The following COL28A1 variants were observed in gnomAD, a reference collection of about 807,000 sequenced individuals.
COL28A1 encodes the protein collagen type XXVIII alpha 1 chain.
In COL28A1, 161 loss-of-function variants were observed where a neutral mutation model predicts 150.2. That is an observed-to-expected ratio of 1.07 (90% confidence interval 0.94 to 1.22). The LOEUF (loss-of-function observed/expected upper bound fraction) is 1.22. Ranked by LOEUF, COL28A1 falls within the 50% of genes most tolerant of loss-of-function variation. The pLI is 0.00. For missense variants in COL28A1, 1,617 were observed against 1,388.3 expected (o/e 1.16, Z -2.62); for synonymous variants, 552 against 469.7 (o/e 1.18, Z -2.26).
chr7:7,498,671 T>A (rs1218290252), intron 11 of COL28A1, among the ~76,000 whole-genome samples: 3 of 152,212 alleles, frequency 2.0e-5, no homozygotes, highest in African/African-American at 7.2e-5. Context: ...ATACAATTAA[T>A]TTTCTCTGTT....
chr7:7,342,692 T>C, the COL28A1 span, among the ~76,000 whole-genome samples: 3 of 152,082 alleles, frequency 2.0e-5, no homozygotes, highest in South Asian at 2.1e-4. Context: ...ACCAGAACAT[T>C]AGAATATCTT....
At chr7:7,441,662 C>G (rs534600238) in intron 20 of COL28A1, among the ~76,000 whole-genome samples, 154 of 152,278 alleles carry the variant, frequency 1.0e-3, no homozygotes, top group African/African-American at 3.5e-3. Context: ...TTGCTGGGCC[C>G]TCCACCCAGA....
At chr7:7,523,766 G>A (rs1158661650) in intron 4 of COL28A1, among the ~76,000 whole-genome samples, 2 of 152,110 alleles carry the variant, frequency 1.3e-5, no homozygotes, top group African/African-American at 4.8e-5. Context: ...TCATCAGGCT[G>A]CCTTTTCTTC....
intron 13 of COL28A1, among the ~76,000 whole-genome samples, chr7:7,483,076 C>T (rs747986420): frequency 3.3e-5 from 5 of 152,110 alleles, no homozygotes; most frequent in South Asian, 2.1e-4. Flanking sequence ...TGGGATGGTT[C>T]GACTTAAGAT....
intron 27 of COL28A1, among the ~76,000 whole-genome samples, chr7:7,417,217 G>A (rs11978610): frequency 0.021 from 3,154 of 151,914 alleles, 108 homozygotes; most frequent in African/African-American, 0.071. Context: ...CAAGCTTGTT[G>A]CTGCTGACGC....
At chr7:7,360,642 TCTGATA>T (rs1475046204) in intron 33 of COL28A1, 114 bp from the exon 34 acceptor site, 7 of 865,748 alleles carry the variant, frequency 8.1e-6, no homozygotes, top group African/African-American at 3.5e-5. Flanking sequence ...TCCCTAGCTC[TCTGATA>T]CTAACTATTT....
At chr7:7,350,519 T>G in the COL28A1 span, among the ~76,000 whole-genome samples, 17 of 152,072 alleles carry the variant, frequency 1.1e-4, no homozygotes, top group Admixed American at 2.6e-4. Context: ...ACATAATACC[T>G]CAGAGGCAAA....
intron 27 of COL28A1, among the ~76,000 whole-genome samples, chr7:7,403,050 G>A (rs530433739): frequency 1.3e-5 from 2 of 152,280 alleles, no homozygotes; most frequent in South Asian, 4.1e-4. Flanking sequence ...CTCATGGTGT[G>A]AGAAGTGCTA....
chr7:7,435,770 C>T (rs993339793), intron 23 of COL28A1, among the ~76,000 whole-genome samples: 2 of 152,120 alleles, frequency 1.3e-5, no homozygotes, highest in Non-Finnish European at 2.9e-5. Flanking sequence ...TTCAAAGCTA[C>T]GTAACAACAT....
At position 7,440,879 on chromosome 7, in the gene COL28A1, A is replaced by C; in HGVS notation, c.1651-18T>G. ...TCGTCACCCTAACAAAATAATTATGAAAATATAGATTTTCGTATGGTATTA... is the reference window on the plus strand; with the variant it reads ...TCGTCACCCTAACAAAATAATTATGCAAATATAGATTTTCGTATGGTATTA... On this transcript the variant is annotated intron_variant, in intron 20 of 34. Coordinates refer to ENST00000399429, the MANE Select transcript of COL28A1 (RefSeq NM_001037763.3). 1 of 1,327,614 alleles carries C rather than the reference A, an allele frequency of 7.5e-7. No homozygotes were observed. Among genetic ancestry groups the C allele is most frequent in the Non-Finnish European group, 1.1e-6 (1 of 919,638 alleles). 82.2% of individuals were successfully genotyped at this position (1,327,614 alleles called of 1,614,324 possible).
rs149386074 is a variant in COL28A1, at chr7:7,451,338, G to A, written c.1509+981C>T. On this transcript the variant is annotated intron_variant, in intron 18 of 34. Coordinates refer to ENST00000399429, the MANE Select transcript of COL28A1 (RefSeq NM_001037763.3). ...CCTCCTGAGTTCAAGTGGTTCTCCC[G>A]CCTCAGCCACCCTAGTAGCTGGGAC... is the stretch of plus-strand genomic sequence containing the variant. Among the ~76,000 whole-genome samples, 759 of 151,802 alleles carry A rather than the reference G, an allele frequency of 5.0e-3. 4 individuals are homozygous for A. Among genetic ancestry groups the A allele is most frequent in the Middle Eastern group, 0.02 (6 of 294 alleles).
intron 20 of COL28A1, 138 bp from the exon 21 acceptor site, chr7:7,440,999 G>T (rs780717520): frequency 4.2e-6 from 2 of 477,860 alleles, no homozygotes; most frequent in Admixed American, 7.0e-5. Context: ...GCTCAATTGC[G>T]CAGGATTCGT....
chr7:7,417,542 G>C (rs1258560197), intron 27 of COL28A1: 6 of 96,560 alleles, frequency 6.2e-5, no homozygotes, highest in Middle Eastern at 2.7e-3. Flanking sequence ...GGGAGGGAGG[G>C]GGGGGGGAGA....
At position 7,373,545 on chromosome 7, in the gene COL28A1, A is replaced by AATG. The variant is rs1419614698; in HGVS notation, c.2360_2361insCAT (p.Gly787_Cys788insIle). On this transcript the variant is annotated inframe_insertion and splice_region_variant, in exon 32 of 35. Transcript: ENST00000399429. The surrounding 1 kb of genome is among the most constrained non-coding windows in gnomAD (Gnocchi z 4.1). ...GAGTCTCTTTGCATTTGGGCCCACA[A>AATG]CCTAAAAGATGAATGTTGAGAGAGA... The AATG allele has an allele frequency of 5.0e-6, 8 of 1,605,042 alleles. No homozygotes were observed. The highest frequency in any genetic ancestry group is 6.8e-6 in the Non-Finnish European group (8 of 1,175,208).
chr7:7,346,206 C>T, the COL28A1 span, among the ~76,000 whole-genome samples: 23 of 151,982 alleles, frequency 1.5e-4, no homozygotes, highest in East Asian at 4.3e-3. Context: ...CTTAATATCT[C>T]ATTAGCTAGT....
chr7:7,365,883 G>T (rs1273003886), intron 33 of COL28A1, among the ~76,000 whole-genome samples: 1 of 152,034 alleles, frequency 6.6e-6, no homozygotes, highest in Non-Finnish European at 1.5e-5. Context: ...ACACTTCTTT[G>T]TCAGGTCTCT....
At chr7:7,375,242 T>C (rs1781480100) in intron 31 of COL28A1, among the ~76,000 whole-genome samples, 2 of 152,208 alleles carry the variant, frequency 1.3e-5, no homozygotes, top group Admixed American at 1.3e-4. Context: ...CACCTTCACA[T>C]GCCTTAACCA....
chr7:7,430,213 G>A (rs1000293542), intron 25 of COL28A1, among the ~76,000 whole-genome samples: 1 of 151,976 alleles, frequency 6.6e-6, no homozygotes, highest in African/African-American at 2.4e-5. Flanking sequence ...TGCAACCTCC[G>A]CCTCCCGGGT....
intron 18 of COL28A1, among the ~76,000 whole-genome samples, chr7:7,449,716 G>C (rs1319649395): frequency 1.3e-5 from 2 of 151,596 alleles, no homozygotes; most frequent in Non-Finnish European, 2.9e-5. Flanking sequence ...TTCTCCTATA[G>C]ACCTATACTA....
Sources: allele counts gnomAD v4.1 joint callset (sites outside exome capture counted in the v4.1 genomes callset), GRCh38; gene constraint gnomAD v4.1.1; non-coding constraint Gnocchi (gnomAD v3.1); transcripts MANE v1.5; gene names NCBI Gene and HGNC (gene_info 2026-07-23, HGNC 2026-07-21).